Variants in PRR5L observed in about 807,000 individuals in gnomAD.
PRR5L encodes the protein proline-rich protein 5-like.
Under a neutral mutation model 36.4 loss-of-function variants are expected in PRR5L, and 21 were observed. That is an observed-to-expected ratio of 0.58 (90% CI 0.41 to 0.83). The LOEUF (loss-of-function observed/expected upper bound fraction) is 0.83. Ranked by LOEUF, PRR5L falls within the 40% of genes least tolerant of loss-of-function variation. PRR5L has a pLI of 0.00. For synonymous variants in PRR5L, 188 were observed against 197.0 expected (o/e 0.95, Z 0.38); for missense variants, 381 against 473.3 (o/e 0.80, Z 1.81).
chr11:36,349,537 T>C (rs1856905870), intron 1 of PRR5L, among the ~76,000 whole-genome samples: 1 of 152,050 alleles, frequency 6.6e-6, no homozygotes, highest in African/African-American at 2.4e-5. Flanking sequence ...CGATTGTTCA[T>C]GGGAAGGAAG....
intron 1 of PRR5L, among the ~76,000 whole-genome samples, chr11:36,305,709 G>A (rs1183647431): frequency 6.6e-6 from 1 of 152,120 alleles, no homozygotes; most frequent in Non-Finnish European, 1.5e-5. Flanking sequence ...CCATCGTGAG[G>A]ATACAGCAAG....
At chr11:36,376,020 G>A in intron 1 of PRR5L, 1 of 527,212 alleles carries the variant, frequency 1.9e-6, no homozygotes, top group South Asian at 1.6e-5. Context: ...AGCTGGGCCG[G>A]GGGCGGGGGT....
rs542494334 is a variant in PRR5L at position 36,378,028 on chromosome 11, G to A, written c.-125-22969G>A. On this transcript the variant is annotated intron_variant, in intron 1 of 8. Coordinates refer to ENST00000530639, the MANE Select transcript of PRR5L (RefSeq NM_001160167.2). Reference sequence around the variant, plus strand: ...CAAGGGACCCTTGCTGATCAAGCCCGGGAGACTACCCTTTTTGACCTCTCT... The same window carrying A: ...CAAGGGACCCTTGCTGATCAAGCCCAGGAGACTACCCTTTTTGACCTCTCT... Among the ~76,000 whole-genome samples, 19 of 152,248 alleles carry A rather than the reference G, an allele frequency of 1.2e-4. No homozygotes were observed. The South Asian group carries it at 2.7e-3, about 22-fold the overall frequency.
In PRR5L at chr11:36,432,120, G is replaced by A. The variant is rs760555872; in HGVS notation, c.352+210G>A. 3.3e-5 allele frequency among the ~76,000 whole-genome samples: 5 copies of A among 151,962 alleles called. No homozygotes were observed. In the East Asian group the frequency reaches 7.8e-4, roughly 24 times the overall value. On this transcript the variant is annotated intron_variant, in intron 5 of 8. Coordinates refer to ENST00000530639, the MANE Select transcript of PRR5L (RefSeq NM_001160167.2). ...ACTGTGTTTCAGAAAAATGTAGTGGGACGGGGTGGTTTCTTTGGAGACCTT... is the reference window on the plus strand; with the variant it reads ...ACTGTGTTTCAGAAAAATGTAGTGGAACGGGGTGGTTTCTTTGGAGACCTT...
At chr11:36,343,907 T>C (rs1004198460) in intron 1 of PRR5L, among the ~76,000 whole-genome samples, 92 of 150,288 alleles carry the variant, frequency 6.1e-4, no homozygotes, top group African/African-American at 2.0e-3. Flanking sequence ...TTTATGTTGT[T>C]TTTTTTTTTT....
At chr11:36,378,362 T>C (rs1440440705) in intron 1 of PRR5L, among the ~76,000 whole-genome samples, 1 of 152,208 alleles carries the variant, frequency 6.6e-6, no homozygotes, top group East Asian at 1.9e-4. Context: ...GGGTGCTGTT[T>C]AGAGCGGTTT....
At chr11:36,431,694 T>C (rs1356559924) in intron 4 of PRR5L, among the ~76,000 whole-genome samples, 159 bp from the exon 5 acceptor site, 3 of 152,146 alleles carry the variant, frequency 2.0e-5, no homozygotes, top group African/African-American at 7.2e-5. Flanking sequence ...CCGGAAGCCT[T>C]AACCTTCCAA....
rs543643387 is a variant in PRR5L at position 36,368,206 on chromosome 11, G to C, written c.-125-32791G>C. Among the ~76,000 whole-genome samples the C allele has an allele frequency of 1.7e-4, 26 of 152,246 alleles. No individual in the cohort carries two copies. In the South Asian group the frequency reaches 5.0e-3, roughly 29 times the overall value. ...ATTATGAAAAGAGCAACATCTAAGA[G>C]AGTGATCATAAACCAGGTCTGAAAA... On this transcript the variant is annotated intron_variant, in intron 1 of 8. Coordinates refer to ENST00000530639, the MANE Select transcript of PRR5L (RefSeq NM_001160167.2).
At chr11:36,408,198 T>C (rs1857949372) in intron 3 of PRR5L, among the ~76,000 whole-genome samples, 1 of 151,800 alleles carries the variant, frequency 6.6e-6, no homozygotes, top group South Asian at 2.1e-4. Context: ...GAGAATCGCT[T>C]GAACCTGGGA....
At chr11:36,376,317 A>T in intron 1 of PRR5L, 1 of 806,302 alleles carries the variant, frequency 1.2e-6, no homozygotes, top group Non-Finnish European at 1.5e-6. Context: ...GGAAGAGGGG[A>T]GGAGGGGGAG....
chr11:36,390,335 A>T (rs183732503), intron 1 of PRR5L, among the ~76,000 whole-genome samples: 35 of 152,336 alleles, frequency 2.3e-4, no homozygotes, highest in African/African-American at 7.5e-4. Flanking sequence ...GTGCTGGTGG[A>T]AGACATGAAG....
At chr11:36,339,245 C>T (rs947964046) in intron 1 of PRR5L, among the ~76,000 whole-genome samples, 3 of 152,206 alleles carry the variant, frequency 2.0e-5, no homozygotes, top group Admixed American at 6.5e-5. Context: ...AGGCGCCGGC[C>T]ACCACACCCA....
intron 1 of PRR5L, among the ~76,000 whole-genome samples, chr11:36,359,129 A>G (rs1166671561): frequency 6.6e-6 from 1 of 152,210 alleles, no homozygotes; most frequent in Non-Finnish European, 1.5e-5. Flanking sequence ...GATTTTGGAC[A>G]AATAAGTCAC....
intron 1 of PRR5L, among the ~76,000 whole-genome samples, chr11:36,334,759 G>C (rs1016933675): frequency 1.3e-5 from 2 of 152,094 alleles, no homozygotes; most frequent in South Asian, 4.2e-4. Context: ...AGCTCCTTTT[G>C]TTCACCTTTG....
At chr11:36,308,985 C>T (rs915928760) in intron 1 of PRR5L, among the ~76,000 whole-genome samples, 6 of 152,154 alleles carry the variant, frequency 3.9e-5, no homozygotes, top group Non-Finnish European at 2.9e-5. Context: ...GCTTATTTTC[C>T]TCAGTCACAA....
intron 1 of PRR5L, chr11:36,362,024 G>A (rs1349016662): frequency 6.8e-6 from 1 of 147,302 alleles, no homozygotes; most frequent in Non-Finnish European, 1.5e-5. Context: ...AAGTCGGGGG[G>A]TGCTGAAGTA....
chr11:36,417,293 G>T (rs535924202), intron 3 of PRR5L, among the ~76,000 whole-genome samples: 1 of 152,290 alleles, frequency 6.6e-6, no homozygotes, highest in East Asian at 1.9e-4. Context: ...CGAAGACTTT[G>T]TTAGGAGGTG....
intron 1 of PRR5L, among the ~76,000 whole-genome samples, chr11:36,318,634 G>T (rs1856582087): frequency 6.6e-6 from 1 of 152,198 alleles, no homozygotes; most frequent in African/African-American, 2.4e-5. Flanking sequence ...GTGCAGAAAA[G>T]AAAAGGAGGA....
chr11:36,325,289 C>T (rs1372931154), intron 1 of PRR5L, among the ~76,000 whole-genome samples: 4 of 152,262 alleles, frequency 2.6e-5, no homozygotes, highest in East Asian at 1.9e-4. Flanking sequence ...ATGGGCGCCT[C>T]GCTGGATCAG....
Sources: allele counts gnomAD v4.1 joint callset (sites outside exome capture counted in the v4.1 genomes callset), GRCh38; gene constraint gnomAD v4.1.1; transcripts MANE v1.5; gene names NCBI Gene and HGNC (gene_info 2026-07-23, HGNC 2026-07-21).